The following PDE3A variants were observed in gnomAD, a reference collection of about 807,000 sequenced individuals.
PDE3A encodes cGMP-inhibited 3',5'-cyclic phosphodiesterase 3A.
In PDE3A, 43 loss-of-function variants were observed where a neutral mutation model predicts 98.3. The ratio of observed to expected loss-of-function variants is 0.44; its 90% CI spans 0.34 to 0.56. PDE3A has a LOEUF of 0.56. Ranked by LOEUF, PDE3A falls within the 20% of genes least tolerant of loss-of-function variation. The probability of loss-of-function intolerance (pLI) is 0.01; values close to 1 mark genes in which losing one functional copy is unlikely to be tolerated. For missense variants in PDE3A, 1,427 were observed against 1,440.7 expected (o/e 0.99, Z 0.15); for synonymous variants, 663 against 567.9 (o/e 1.17, Z -2.38).
At chr12:20,505,983 G>A (rs1946109954) in intron 1 of PDE3A, among the ~76,000 whole-genome samples, 1 of 151,912 alleles carries the variant, frequency 6.6e-6, no homozygotes. Flanking sequence ...CTGGTTTCTA[G>A]GGACCATAGT....
intron 1 of PDE3A, among the ~76,000 whole-genome samples, chr12:20,386,145 A>G (rs1250666968): frequency 8.2e-5 from 2 of 24,444 alleles, no homozygotes; most frequent in Non-Finnish European, 1.6e-4. Context: ...ATATATAAAT[A>G]TATATATAAA....
chr12:20,534,081 AC>A (rs746097270), intron 1 of PDE3A, among the ~76,000 whole-genome samples: 2 of 151,812 alleles, frequency 1.3e-5, no homozygotes, highest in Non-Finnish European at 2.9e-5. Flanking sequence ...TCCTGGTAAA[AC>A]CCTCTTCAAC....
At chr12:20,420,782 T>C (rs1418911311) in intron 1 of PDE3A, among the ~76,000 whole-genome samples, 1 of 152,180 alleles carries the variant, frequency 6.6e-6, no homozygotes, top group Non-Finnish European at 1.5e-5. Flanking sequence ...CTTCTAGTCA[T>C]TTCTGGGTTA....
intron 15 of PDE3A, among the ~76,000 whole-genome samples, chr12:20,664,428 T>C (rs973843941): frequency 5.9e-5 from 9 of 152,108 alleles, no homozygotes; most frequent in Non-Finnish European, 2.9e-5. Flanking sequence ...CTACTTTACC[T>C]CTCTACTCAG....
intron 1 of PDE3A, among the ~76,000 whole-genome samples, chr12:20,376,458 G>C (rs1179419221): frequency 3.3e-5 from 5 of 151,868 alleles, no homozygotes; most frequent in Non-Finnish European, 5.9e-5. Context: ...TAATCAGATT[G>C]AGTGTCAGAT....
intron 6 of PDE3A, among the ~76,000 whole-genome samples, chr12:20,632,571 G>T (rs1466999870): frequency 6.6e-6 from 1 of 152,134 alleles, no homozygotes; most frequent in Non-Finnish European, 1.5e-5. Context: ...CCAGTTTATG[G>T]CCTGTGCCAG....
At chr12:20,475,752 G>T (rs78323642) in intron 1 of PDE3A, among the ~76,000 whole-genome samples, 247 of 152,128 alleles carry the variant, frequency 1.6e-3, no homozygotes, top group Admixed American at 2.8e-3. Context: ...ATCTTGGTAT[G>T]TAATGAACAG....
chr12:20,559,418 A>T lies in PDE3A; in HGVS notation c.1011+2708A>T, dbSNP rs561185066. Among the ~76,000 whole-genome samples, 102 of 151,878 alleles carry T rather than the reference A, an allele frequency of 6.7e-4. No homozygotes were observed. The Middle Eastern group carries it at 0.021, about 31-fold the overall frequency. The stretch of plus-strand genomic sequence containing the variant: ...ATTGGGAGGCCGAGGCAGGCAGATC[A>T]CCAGAGGTCAGGAGTTTGAGACCAG... On this transcript the variant is annotated intron_variant, in intron 2 of 15. Coordinates refer to ENST00000359062, the MANE Select transcript of PDE3A (RefSeq NM_000921.5).
At chr12:20,496,856 T>A (rs776608624) in intron 1 of PDE3A, among the ~76,000 whole-genome samples, 1 of 152,146 alleles carries the variant, frequency 6.6e-6, no homozygotes, top group Non-Finnish European at 1.5e-5. Flanking sequence ...ATATACTATA[T>A]GAAAGTGACA....
chr12:20,621,320 G>T lies in PDE3A; in HGVS notation c.1449G>T (p.Val483=). 1 of 1,599,770 alleles carries T rather than the reference G, an allele frequency of 6.3e-7. No homozygotes were observed. Among genetic ancestry groups the T allele is most frequent in the Non-Finnish European group, 8.6e-7 (1 of 1,167,188 alleles). Residue 483 remains valine (V), a synonymous_variant, in exon 5 of 16, where the codon GTG becomes GTT. Coordinates refer to ENST00000359062, the MANE Select transcript of PDE3A (RefSeq NM_000921.5). ...SSSPDSWNNP[V]MMTLTKSRSF... is the part of the protein sequence containing the mutation. The stretch of plus-strand genomic sequence containing the variant: ...GTCCTGATTCTTGGAATAATCCAGT[G>T]ATGATGACCCTCACCAAAAGCAGAT...
chr12:20,525,310 T>C (rs908515092), intron 1 of PDE3A, among the ~76,000 whole-genome samples: 1 of 152,224 alleles, frequency 6.6e-6, no homozygotes, highest in Non-Finnish European at 1.5e-5. Flanking sequence ...CATCATCGTT[T>C]ACTATTCTTG....
chr12:20,446,251 C>T (rs1237211826), intron 1 of PDE3A, among the ~76,000 whole-genome samples: 1 of 152,178 alleles, frequency 6.6e-6, no homozygotes, highest in African/African-American at 2.4e-5. Context: ...AAAATGTCAT[C>T]TGTCTCATTC....
chr12:20,578,635 A>G (rs1280654749), intron 2 of PDE3A, among the ~76,000 whole-genome samples: 2 of 152,122 alleles, frequency 1.3e-5, no homozygotes, highest in Non-Finnish European at 2.9e-5. Context: ...CTGGGAGGCT[A>G]TTTGAAAGTC....
chr12:20,408,731 T>G (rs1944279519), intron 1 of PDE3A, among the ~76,000 whole-genome samples: 2 of 152,238 alleles, frequency 1.3e-5, no homozygotes, highest in African/African-American at 4.8e-5. Flanking sequence ...CCTGAGTGAT[T>G]ACATAATTTA....
At position 20,450,097 on chromosome 12, in the gene PDE3A, A is replaced by G. The variant is rs575741161; in HGVS notation, c.960+79853A>G. 2.3e-5 allele frequency: 12 copies of G among 522,134 alleles called. 1 individual carries two copies. The Admixed American group carries it at 2.9e-4, about 12-fold the overall frequency. The allele number at this position is 522,134 out of a possible 1,614,324, so 32.3% of individuals were successfully genotyped here. A position where few individuals can be genotyped will look rare whatever the true frequency, so the allele number is the denominator to read the frequency against. On this transcript the variant is annotated intron_variant, in intron 1 of 15. Coordinates refer to ENST00000359062, the MANE Select transcript of PDE3A (RefSeq NM_000921.5). ...CAGCCTTCTGCTGGTGCCGTCTTGG[A>G]TTTGATGCTGCTCCTTTCCCAGAAT...
At chr12:20,579,342 C>G (rs12312759) in intron 2 of PDE3A, among the ~76,000 whole-genome samples, 82,361 of 151,912 alleles carry the variant, frequency 0.54, 22,414 homozygotes, top group Admixed American at 0.6. Flanking sequence ...CAGTTCTTCT[C>G]CTATTTAAGA....
At chr12:20,420,613 A>C (rs1000740304) in intron 1 of PDE3A, among the ~76,000 whole-genome samples, 5 of 152,156 alleles carry the variant, frequency 3.3e-5, no homozygotes, top group African/African-American at 1.2e-4. Context: ...GGGAGGCTCC[A>C]GGTGACAGCT....
rs1473776965 is a variant in PDE3A at position 20,681,471 on chromosome 12, T to C, written c.*1200T>C. 1 of 152,192 alleles carries C rather than the reference T, an allele frequency of 6.6e-6. No individual in the cohort carries two copies. Among genetic ancestry groups the C allele is most frequent in the Non-Finnish European group, 1.5e-5 (1 of 68,034 alleles). The allele number at this position is 152,192 out of a possible 1,614,324, so 9.4% of individuals were successfully genotyped here. A position where few individuals can be genotyped will look rare whatever the true frequency, so the allele number is the denominator to read the frequency against. ...AACAGAAAAATCACTCTGGGTTATA[T>C]AGCAAGAGATGAAGGAGAATATTTC... On this transcript the variant is annotated 3_prime_UTR_variant, in exon 16 of 16. Coordinates refer to ENST00000359062, the MANE Select transcript of PDE3A (RefSeq NM_000921.5).
chr12:20,589,083 C>T (rs1364541090), intron 2 of PDE3A, among the ~76,000 whole-genome samples: 3 of 151,842 alleles, frequency 2.0e-5, no homozygotes, highest in Non-Finnish European at 2.9e-5. Context: ...CCACCACGCC[C>T]GGATAATTTT....
Sources: allele counts gnomAD v4.1 joint callset (sites outside exome capture counted in the v4.1 genomes callset), GRCh38; gene constraint gnomAD v4.1.1; transcripts MANE v1.5; gene names NCBI Gene and HGNC (gene_info 2026-07-23, HGNC 2026-07-21).